Variants in NTNG1 observed in about 807,000 individuals in gnomAD.
The protein encoded by NTNG1 is netrin-G1.
A neutral mutation model predicts 54.0 loss-of-function variants in NTNG1; 16 were observed. The observed-to-expected ratio is 0.30, with a 90% CI of 0.20 to 0.45. NTNG1 has a LOEUF of 0.45. NTNG1 is among the 20% of genes least tolerant of loss of function. The pLI is 1.00. For synonymous variants in NTNG1, 255 were observed against 263.1 expected (o/e 0.97, Z 0.30); for missense variants, 530 against 678.7 (o/e 0.78, Z 2.43).
intron 2 of NTNG1, among the ~76,000 whole-genome samples, chr1:107,314,436 TAA>T (rs1667216664): frequency 7.2e-5 from 3 of 41,592 alleles, no homozygotes; most frequent in African/African-American, 2.0e-4. Flanking sequence ...AATAAATAAA[TAA>T]ATAAATAAAA....
At chr1:107,303,179 A>G (rs1666427203) in intron 2 of NTNG1, among the ~76,000 whole-genome samples, 1 of 152,222 alleles carries the variant, frequency 6.6e-6, no homozygotes, top group African/African-American at 2.4e-5. Flanking sequence ...CTGACTTCCC[A>G]GTTCTGAAAT....
intron 2 of NTNG1, among the ~76,000 whole-genome samples, chr1:107,294,748 T>C (rs2101778609): frequency 6.6e-6 from 1 of 152,278 alleles, no homozygotes. Flanking sequence ...TGAGAGTTTG[T>C]AGTTCTTTAG....
intron 3 of NTNG1, among the ~76,000 whole-genome samples, chr1:107,383,255 C>T (rs1474196131): frequency 6.6e-6 from 1 of 152,144 alleles, no homozygotes; most frequent in Non-Finnish European, 1.5e-5. Flanking sequence ...TCAGATGGCT[C>T]ACAGCTCTCT....
At chr1:107,155,448 C>T (rs1050700653) in intron 2 of NTNG1, among the ~76,000 whole-genome samples, 2 of 152,126 alleles carry the variant, frequency 1.3e-5, no homozygotes, top group African/African-American at 4.8e-5. Flanking sequence ...ATCTCTCTAT[C>T]TAATATGTAT....
At chr1:107,480,569 T>TGGC in intron 7 of NTNG1, 42 bp from the exon 8 acceptor site, 1 of 609,594 alleles carries the variant, frequency 1.6e-6, no homozygotes, top group Non-Finnish European at 3.1e-6. Flanking sequence ...CTGCTTCTCC[T>TGGC]CCCCGCGCCC....
chr1:107,240,218 G>A (rs1661730554), intron 2 of NTNG1, among the ~76,000 whole-genome samples: 2 of 151,524 alleles, frequency 1.3e-5, no homozygotes, highest in Admixed American at 6.6e-5. Flanking sequence ...GCATAATGCC[G>A]TACTTTGCCA....
chr1:107,302,592 A>T (rs1051896897), intron 2 of NTNG1, among the ~76,000 whole-genome samples: 23 of 151,922 alleles, frequency 1.5e-4, no homozygotes, highest in Non-Finnish European at 2.6e-4. Context: ...GTATTTTTTT[A>T]AAGTATTGCT....
chr1:107,303,729 C>T (rs1666471156), intron 2 of NTNG1, among the ~76,000 whole-genome samples: 1 of 152,072 alleles, frequency 6.6e-6, no homozygotes, highest in African/African-American at 2.4e-5. Flanking sequence ...GCTCTGTCGC[C>T]AAGGTGTAAT....
chr1:107,249,813 T>G (rs7512860), intron 2 of NTNG1, among the ~76,000 whole-genome samples: 1,739 of 152,310 alleles, frequency 0.011, 32 homozygotes, highest in African/African-American at 0.04. Flanking sequence ...GGACTAACAC[T>G]TTATGAGATA....
At chr1:107,445,440 T>C (rs1676250203) in intron 7 of NTNG1, among the ~76,000 whole-genome samples, 1 of 152,152 alleles carries the variant, frequency 6.6e-6, no homozygotes, top group African/African-American at 2.4e-5. Flanking sequence ...TAATAAAAAG[T>C]GTTACTTACT....
intron 2 of NTNG1, among the ~76,000 whole-genome samples, chr1:107,219,270 G>A (rs559520885): frequency 6.6e-6 from 1 of 152,094 alleles, no homozygotes; most frequent in East Asian, 1.9e-4. Context: ...AGTTGTGATT[G>A]TTTTATATTT....
rs557177006 is a variant in NTNG1 at position 107,312,874 on chromosome 1, A to G, written c.247-11408A>G. Among the ~76,000 whole-genome samples the G allele has an allele frequency of 3.9e-5, 6 of 152,336 alleles. No individual in the cohort carries two copies. The East Asian group carries it at 5.8e-4, about 15-fold the overall frequency. On this transcript the variant is annotated intron_variant, in intron 2 of 7. Transcript: ENST00000370068. ...AATCTCACATTTATAGAAAAGATGC[A>G]TACAATAGAAATACCTTTTTTTTTC... is the stretch of plus-strand genomic sequence containing the variant.
At chr1:107,181,508 C>T (rs916873606) in intron 2 of NTNG1, among the ~76,000 whole-genome samples, 6 of 25,712 alleles carry the variant, frequency 2.3e-4, no homozygotes, top group Non-Finnish European at 7.4e-4. Flanking sequence ...GAGTGTGAAA[C>T]AATCCTTGAT....
intron 3 of NTNG1, among the ~76,000 whole-genome samples, chr1:107,331,759 T>G (rs1183095106): frequency 6.6e-6 from 1 of 152,046 alleles, no homozygotes; most frequent in African/African-American, 2.4e-5. Context: ...AACTTCCACA[T>G]ATAAGTCCAC....
chr1:107,334,706 A>G (rs1668479735), intron 3 of NTNG1, among the ~76,000 whole-genome samples: 1 of 152,048 alleles, frequency 6.6e-6, no homozygotes, highest in Non-Finnish European at 1.5e-5. Flanking sequence ...ACACTGTTGC[A>G]TAACTAGAAT....
intron 2 of NTNG1, among the ~76,000 whole-genome samples, chr1:107,285,943 A>C (rs1319493143): frequency 6.6e-6 from 1 of 152,148 alleles, no homozygotes; most frequent in Non-Finnish European, 1.5e-5. Flanking sequence ...TGGAATTAGC[A>C]ATAGAATTAA....
intron 3 of NTNG1, among the ~76,000 whole-genome samples, chr1:107,354,244 G>A (rs1260699941): frequency 6.6e-6 from 1 of 151,958 alleles, no homozygotes; most frequent in African/African-American, 2.4e-5. Flanking sequence ...GCTGAAGCGG[G>A]CAGATCATGA....
At chr1:107,468,327 T>C (rs1482139457) in intron 7 of NTNG1, among the ~76,000 whole-genome samples, 1 of 152,198 alleles carries the variant, frequency 6.6e-6, no homozygotes, top group Non-Finnish European at 1.5e-5. Context: ...CTTTACAAAG[T>C]GCTCAAAGGC....
At chr1:107,446,729 G>A (rs1051563621) in intron 7 of NTNG1, among the ~76,000 whole-genome samples, 1 of 152,078 alleles carries the variant, frequency 6.6e-6, no homozygotes, top group Non-Finnish European at 1.5e-5. Flanking sequence ...CTGTTAAAAT[G>A]CATATATGTT....
Sources: allele counts gnomAD v4.1 joint callset (sites outside exome capture counted in the v4.1 genomes callset), GRCh38; gene constraint gnomAD v4.1.1; transcripts MANE v1.5; gene names NCBI Gene and HGNC (gene_info 2026-07-23, HGNC 2026-07-21).